The following RBFOX1 variants were observed in gnomAD, a reference collection of about 807,000 sequenced individuals.
RBFOX1 encodes the protein RNA binding fox-1 homolog 1.
In RBFOX1, 8 loss-of-function variants were observed where a neutral mutation model predicts 57.7. The observed-to-expected ratio is 0.14, with a 90% CI of 0.08 to 0.25. The LOEUF (loss-of-function observed/expected upper bound fraction) is 0.25. Among genes scored for constraint, RBFOX1 ranks in the 10% least tolerant of loss-of-function variants. RBFOX1 has a pLI of 1.00. For missense variants in RBFOX1, 611 were observed against 548.5 expected (o/e 1.11, Z -1.14); for synonymous variants, 326 against 222.4 (o/e 1.47, Z -4.15).
Position 6,892,775 on chromosome 16 carries a change from C to CCTCTCTCTCTCTCT in RBFOX1, c.-15-159243_-15-159230dup, listed in dbSNP as rs750285832. On this transcript the variant is annotated intron_variant, in intron 3 of 15. Coordinates refer to ENST00000550418, the MANE Select transcript of RBFOX1 (RefSeq NM_018723.4). Reference sequence around the variant, plus strand: ...CATATTCTCAAAGCCTCCCTGTCTCCCTCTCTCTCTCTCTCTCTCTCTCTC... The same window carrying CCTCTCTCTCTCTCT: ...CATATTCTCAAAGCCTCCCTGTCTCCCTCTCTCTCTCTCTCTCTCTCTCTCTCTCTCTCTCTCTC... Among the ~76,000 whole-genome samples, 78 of 84,636 alleles carry CCTCTCTCTCTCTCT rather than the reference C, an allele frequency of 9.2e-4. 2 individuals carry two copies. The highest frequency in any genetic ancestry group is 2.1e-3 in the African/African-American group (41 of 19,594). The allele number at this position is 84,636 out of a possible 152,430, so 55.5% of individuals were successfully genotyped here. A position where few individuals can be genotyped will look rare whatever the true frequency, so the allele number is the denominator to read the frequency against.
intron 3 of RBFOX1, among the ~76,000 whole-genome samples, chr16:6,856,797 G>A (rs529561665): frequency 2.6e-5 from 4 of 152,258 alleles, no homozygotes; most frequent in South Asian, 4.1e-4. Context: ...GTGTGTAACA[G>A]TTGGCATTTT....
At chr16:6,967,678 C>G (rs1034583424) in intron 3 of RBFOX1, among the ~76,000 whole-genome samples, 3 of 151,934 alleles carry the variant, frequency 2.0e-5, no homozygotes, top group African/African-American at 7.3e-5. Context: ...TTCTAAGGGC[C>G]TGGTTCAAGA....
intron 4 of RBFOX1, among the ~76,000 whole-genome samples, chr16:7,161,911 A>G (rs1390097933): frequency 6.6e-6 from 1 of 152,230 alleles, no homozygotes; most frequent in African/African-American, 2.4e-5. Context: ...TCTCCCTGGT[A>G]AACACACTCA....
At chr16:5,700,987 T>A (rs2051026128) in intron 3 of RBFOX1, among the ~76,000 whole-genome samples, 1 of 152,226 alleles carries the variant, frequency 6.6e-6, no homozygotes, top group African/African-American at 2.4e-5. Context: ...AAAGGTAGAA[T>A]GACACTGGGT....
At chr16:7,268,726 C>A (rs757268014) in intron 4 of RBFOX1, among the ~76,000 whole-genome samples, 1 of 152,016 alleles carries the variant, frequency 6.6e-6, no homozygotes. Flanking sequence ...GCCTTTTTCT[C>A]ACCCAAAGGC....
intron 2 of RBFOX1, among the ~76,000 whole-genome samples, chr16:6,353,885 A>C (rs1221040340): frequency 6.6e-6 from 1 of 152,124 alleles, no homozygotes; most frequent in African/African-American, 2.4e-5. Flanking sequence ...TTCAGTGAAG[A>C]ACTTGTTCAT....
chr16:7,114,308 A>T (rs1887243904), intron 4 of RBFOX1, among the ~76,000 whole-genome samples: 1 of 152,194 alleles, frequency 6.6e-6, no homozygotes, highest in South Asian at 2.1e-4. Flanking sequence ...CAATGAAAAA[A>T]ATATGAATAC....
intron 3 of RBFOX1, among the ~76,000 whole-genome samples, chr16:5,772,326 C>T (rs1482681181): frequency 5.9e-5 from 9 of 151,602 alleles, no homozygotes. Context: ...TGTACGCCGC[C>T]TCTCCTAACA....
At chr16:7,004,887 C>A (rs1192051120) in intron 3 of RBFOX1, among the ~76,000 whole-genome samples, 2 of 152,130 alleles carry the variant, frequency 1.3e-5, no homozygotes, top group African/African-American at 4.8e-5. Flanking sequence ...AGGTGACTCA[C>A]ACCTGTAATT....
Position 5,462,308 on chromosome 16 carries a change from A to C in RBFOX1, c.220-4908A>C, listed in dbSNP as rs529349450. 2.4e-4 allele frequency among the ~76,000 whole-genome samples: 37 copies of C among 151,668 alleles called. No individual in the cohort carries two copies. The East Asian group carries it at 7.2e-3, about 30-fold the overall frequency. ...CTCAGCCTCCCGAGTAGCTGGGACT[A>C]CAGGGGCCCGCCACCACGCCCGGCT... On this transcript the variant is annotated intron_variant, in intron 1 of 2. Coordinates refer to the RBFOX1 transcript ENST00000585867.
intron 3 of RBFOX1, among the ~76,000 whole-genome samples, chr16:6,833,820 T>C (rs1431626865): frequency 1.3e-5 from 2 of 152,006 alleles, no homozygotes; most frequent in Middle Eastern, 3.2e-3. Flanking sequence ...AGGTAGGAAT[T>C]AGATAGGAAG....
intron 3 of RBFOX1, among the ~76,000 whole-genome samples, chr16:6,864,969 CA>C (rs1218140270): frequency 1.4e-5 from 2 of 147,008 alleles, no homozygotes; most frequent in East Asian, 4.0e-4. Context: ...ATCCCAGTGC[CA>C]ATGTTGGAGT....
chr16:7,472,205 G>C (rs1248232419), intron 4 of RBFOX1, among the ~76,000 whole-genome samples: 1 of 152,136 alleles, frequency 6.6e-6, no homozygotes, highest in Non-Finnish European at 1.5e-5. Context: ...GAAAGATATA[G>C]ACATAGACTT....
chr16:5,974,969 T>G (rs2060033070), intron 4 of RBFOX1, among the ~76,000 whole-genome samples: 1 of 151,752 alleles, frequency 6.6e-6, no homozygotes, highest in Admixed American at 6.6e-5. Context: ...GAACACGCCT[T>G]TGCACTCCAG....
intron 1 of RBFOX1, among the ~76,000 whole-genome samples, chr16:6,021,879 A>T (rs1217373747): frequency 1.3e-5 from 2 of 152,202 alleles, no homozygotes; most frequent in Non-Finnish European, 2.9e-5. Flanking sequence ...CATTTAGAAC[A>T]GTTTGGCACA....
intron 1 of RBFOX1, among the ~76,000 whole-genome samples, chr16:6,172,239 C>A (rs150273923): frequency 6.6e-6 from 1 of 152,182 alleles, no homozygotes; most frequent in Admixed American, 6.6e-5. Flanking sequence ...TAAGATGTCA[C>A]TTGCAATCGT....
intron 2 of RBFOX1, among the ~76,000 whole-genome samples, chr16:6,643,794 G>T (rs2098511196): frequency 6.6e-6 from 1 of 150,986 alleles, no homozygotes; most frequent in Admixed American, 6.7e-5. Flanking sequence ...CCTAAGGCTT[G>T]AACTTATTCT....
intron 3 of RBFOX1, among the ~76,000 whole-genome samples, chr16:6,735,285 G>A (rs1057276525): frequency 2.2e-4 from 34 of 152,178 alleles, no homozygotes; most frequent in African/African-American, 6.8e-4. Context: ...ACCCAACTCA[G>A]CCACTCACCA....
At chr16:6,216,023 A>C (rs2097333765) in intron 1 of RBFOX1, among the ~76,000 whole-genome samples, 1 of 152,144 alleles carries the variant, frequency 6.6e-6, no homozygotes, top group African/African-American at 2.4e-5. Context: ...GCAAACTAAC[A>C]CAGGAACTGA....
Sources: gnomAD v4.1 joint callset for allele counts (sites outside exome capture counted in the v4.1 genomes callset) on GRCh38, gnomAD v4.1.1 for gene constraint, MANE v1.5 for transcripts, NCBI Gene and HGNC (gene_info 2026-07-23, HGNC 2026-07-21) for gene names.